The following UBE3A variants were observed in gnomAD, a reference collection of about 807,000 sequenced individuals.
UBE3A encodes the protein ubiquitin-protein ligase E3A.
A neutral mutation model predicts 83.4 loss-of-function variants in UBE3A; 6 were observed. That is an observed-to-expected ratio of 0.07 (90% CI 0.04 to 0.14). The LOEUF (loss-of-function observed/expected upper bound fraction) is 0.14, where lower values mean the gene tolerates loss of function less well. Ranked by LOEUF, UBE3A falls within the 10% of genes least tolerant of loss-of-function variation. UBE3A has a pLI of 1.00. For synonymous variants in UBE3A, 337 were observed against 355.4 expected (o/e 0.95, Z 0.58); for missense variants, 456 against 1,036.1 (o/e 0.44, Z 7.69).
intron 6 of UBE3A, among the ~76,000 whole-genome samples, chr15:25,361,622 T>A (rs916799789): frequency 6.6e-6 from 1 of 151,422 alleles, no homozygotes; most frequent in Non-Finnish European, 1.5e-5. Context: ...GTATCTAAAA[T>A]TTGCTAACAG....
rs1328450209 is a variant in UBE3A at position 25,334,595 on chromosome 15, T to C, written c.*4542A>G. On this transcript the variant is annotated 3_prime_UTR_variant, in exon 13 of 13. Transcript: ENST00000648336. The stretch of plus-strand genomic sequence containing the variant: ...TGCAAGGGACCCAAAACAGACAAAA[T>C]GATTTTGGGGAAAAAAAAAAAAAAA... 2 of 114,090 alleles carry C rather than the reference T, an allele frequency of 1.8e-5. No individual in the cohort carries two copies. The highest frequency in any genetic ancestry group is 3.5e-5 in the Non-Finnish European group (2 of 56,976). The allele number at this position is 114,090 out of a possible 1,614,324, so 7.1% of individuals were successfully genotyped here.
At chr15:25,341,566 T>C (rs537991487) in intron 11 of UBE3A, among the ~76,000 whole-genome samples, 1 of 151,096 alleles carries the variant, frequency 6.6e-6, no homozygotes, top group South Asian at 2.1e-4. Flanking sequence ...GGGTTCAAGA[T>C]CAGCCTGACC....
intron 5 of UBE3A, chr15:25,374,047 A>G (rs968360620): frequency 2.0e-5 from 3 of 152,266 alleles, no homozygotes; most frequent in Admixed American, 1.3e-4. Flanking sequence ...GTTAACAAAC[A>G]TAATTAATAA....
intron 1 of UBE3A, among the ~76,000 whole-genome samples, chr15:25,422,833 A>C: frequency 6.7e-6 from 1 of 148,724 alleles, no homozygotes; most frequent in African/African-American, 2.5e-5. Flanking sequence ...AAAAAAACCA[A>C]CCAACCAAAA....
intron 4 of UBE3A, among the ~76,000 whole-genome samples, chr15:25,386,401 T>G (rs140206537): frequency 6.6e-6 from 1 of 152,080 alleles, no homozygotes; most frequent in Non-Finnish European, 1.5e-5. Context: ...ATTATCAAAC[T>G]TGGAATCTAA....
intron 4 of UBE3A, among the ~76,000 whole-genome samples, chr15:25,379,249 C>T (rs2081752588): frequency 6.6e-6 from 1 of 152,164 alleles, no homozygotes; most frequent in Admixed American, 6.5e-5. Context: ...TTAGCTACTA[C>T]TATTATTGTT....
chr15:25,382,537 T>C (rs2082369211), intron 4 of UBE3A, among the ~76,000 whole-genome samples: 4 of 151,216 alleles, frequency 2.6e-5, no homozygotes, highest in Admixed American at 1.3e-4. Flanking sequence ...CTTATGGAAT[T>C]AGGAAATGAA....
chr15:25,372,742 T>G (rs2080500501), intron 5 of UBE3A, among the ~76,000 whole-genome samples: 1 of 152,234 alleles, frequency 6.6e-6, no homozygotes, highest in Non-Finnish European at 1.5e-5. Flanking sequence ...TAATTCTCCC[T>G]TTTATCAATA....
At chr15:25,354,728 C>T in intron 9 of UBE3A, 45 bp from the exon 10 acceptor site, 1 of 1,551,024 alleles carries the variant, frequency 6.4e-7, no homozygotes, top group Non-Finnish European at 8.9e-7. Flanking sequence ...ATATGCTATG[C>T]AAACAAAACA....
chr15:25,339,711 C>CAA, intron 12 of UBE3A: 1 of 325,112 alleles, frequency 3.1e-6, no homozygotes, highest in East Asian at 8.1e-5. Context: ...GGCAATATGA[C>CAA]TAAGAAAATG....
chr15:25,368,493 T>C (rs2079708852), intron 6 of UBE3A, among the ~76,000 whole-genome samples: 1 of 152,114 alleles, frequency 6.6e-6, no homozygotes, highest in Non-Finnish European at 1.5e-5. Flanking sequence ...GTAAGCATCA[T>C]CTCTTTCTAT....
intron 9 of UBE3A, among the ~76,000 whole-genome samples, chr15:25,355,658 A>T (rs2077116817): frequency 6.6e-6 from 1 of 152,146 alleles, no homozygotes; most frequent in South Asian, 2.1e-4. Flanking sequence ...TTAGCTATTA[A>T]CTATCTCCTG....
chr15:25,434,969 T>TAC (rs55856025), intron 1 of UBE3A, among the ~76,000 whole-genome samples: 1,837 of 142,712 alleles, frequency 0.013, 40 homozygotes, highest in African/African-American at 0.046. Context: ...TCTATATACA[T>TAC]ACACACACAC....
At chr15:25,350,286 G>C (rs942012723) in intron 11 of UBE3A, among the ~76,000 whole-genome samples, 2 of 149,898 alleles carry the variant, frequency 1.3e-5, no homozygotes, top group Admixed American at 6.6e-5. Flanking sequence ...GGATGACAGA[G>C]ACTTTGTCTC....
chr15:25,401,036 TTCTCAATTA>T (rs372132818), intron 4 of UBE3A, among the ~76,000 whole-genome samples: 6 of 152,306 alleles, frequency 3.9e-5, no homozygotes, highest in East Asian at 1.9e-4. Context: ...CAAATGCTTT[TTCTCAATTA>T]TCTCAATTAT....
Position 25,338,335 on chromosome 15 carries a change from G to GTCCTTTC in UBE3A, c.*801_*802insGAAAGGA, listed in dbSNP as rs1566812617. ...CTTAAAACAACAACGAGAACAACAA[G>GTCCTTTC]AACAAAAATCCCTGTCCTTTCATAT... On this transcript the variant is annotated 3_prime_UTR_variant, in exon 13 of 13. Coordinates refer to ENST00000648336, the MANE Select transcript of UBE3A (RefSeq NM_130839.5). The GTCCTTTC allele has an allele frequency of 6.7e-6, 1 of 149,700 alleles. No homozygotes were observed. Among genetic ancestry groups the GTCCTTTC allele is most frequent in the Admixed American group, 7.0e-5 (1 of 14,224 alleles). The allele number at this position is 149,700 out of a possible 1,614,324, so 9.3% of individuals were successfully genotyped here.
In UBE3A at chr15:25,356,393, C is replaced by A. The variant is rs559456929; in HGVS notation, c.1959+298G>T. ...TAACTACCAAGACCCTTAGCCAGGG[C>A]TACTCTGATTTTTACCTATCTCTTA... On this transcript the variant is annotated intron_variant, in intron 8 of 12. Coordinates refer to ENST00000648336, the MANE Select transcript of UBE3A (RefSeq NM_130839.5). 6.6e-5 allele frequency among the ~76,000 whole-genome samples: 10 copies of A among 152,242 alleles called. No individual in the cohort carries two copies. In the South Asian group the frequency reaches 2.1e-3, roughly 32 times the overall value.
intron 3 of UBE3A, chr15:25,407,104 T>C (rs1253687175): frequency 3.0e-6 from 4 of 1,351,006 alleles, no homozygotes; most frequent in South Asian, 2.3e-5. Flanking sequence ...TACCCCAAGA[T>C]TGCTTCCAAA....
intron 2 of UBE3A, among the ~76,000 whole-genome samples, chr15:25,409,994 T>C (rs745461202): frequency 2.2e-4 from 21 of 97,134 alleles, no homozygotes; most frequent in Middle Eastern, 4.9e-3. Context: ...GGGACTGTTG[T>C]GGGGTGGGGG....
Sources: allele counts gnomAD v4.1 joint callset (sites outside exome capture counted in the v4.1 genomes callset), GRCh38; gene constraint gnomAD v4.1.1; transcripts MANE v1.5; gene names NCBI Gene and HGNC (gene_info 2026-07-23, HGNC 2026-07-21).